Variants in PDE8B observed in about 807,000 individuals in gnomAD.
PDE8B encodes the protein high affinity cAMP-specific and IBMX-insensitive 3',5'-cyclic phosphodiesterase 8B.
A neutral mutation model predicts 101.3 loss-of-function variants in PDE8B; 26 were observed. That is an observed-to-expected ratio of 0.26 (90% CI 0.19 to 0.36). The LOEUF (loss-of-function observed/expected upper bound fraction) is 0.36. Among genes scored for constraint, PDE8B ranks in the 10% least tolerant of loss-of-function variants. The pLI is 1.00. For synonymous variants in PDE8B, 424 were observed against 429.3 expected (o/e 0.99, Z 0.15); for missense variants, 810 against 1,163.1 (o/e 0.70, Z 4.42).
the PDE8B span, among the ~76,000 whole-genome samples, chr5:77,123,832 G>GTT: frequency 6.6e-6 from 1 of 152,330 alleles, no homozygotes; most frequent in East Asian, 1.9e-4. Flanking sequence ...TTCAAGGAAA[G>GTT]AATAGTTCTG....
chr5:77,418,577 CCTTAA>C (rs1796024029), intron 18 of PDE8B, 131 bp downstream of exon 18: 1 of 735,192 alleles, frequency 1.4e-6, no homozygotes, highest in Non-Finnish European at 2.4e-6. Flanking sequence ...ATAACCTTGC[CCTTAA>C]CTTAATTTGA....
chr5:77,211,727 C>G lies in PDE8B; in HGVS notation c.339+463C>G, dbSNP rs946410254. 6.6e-6 allele frequency among the ~76,000 whole-genome samples: 1 copy of G among 152,206 alleles called. No homozygotes were observed. The highest frequency in any genetic ancestry group is 2.4e-5 in the African/African-American group (1 of 41,452). ...TAGTGCCCCATATTCCGATTTTTACCTGGGATTACCAGCCAGGCTGGAGTC... is the reference window on the plus strand; with the variant it reads ...TAGTGCCCCATATTCCGATTTTTACGTGGGATTACCAGCCAGGCTGGAGTC... On this transcript the variant is annotated intron_variant, in intron 1 of 21. Coordinates refer to ENST00000264917, the MANE Select transcript of PDE8B (RefSeq NM_003719.5). The surrounding 1 kb of genome is among the most constrained non-coding windows in gnomAD (Gnocchi z 4.1).
intron 1 of PDE8B, among the ~76,000 whole-genome samples, chr5:77,260,157 C>CAAAAAAAAAAAAAAAAAAA (rs66923234): frequency 5.0e-5 from 5 of 100,972 alleles, no homozygotes; most frequent in Non-Finnish European, 8.1e-5. Flanking sequence ...AACTCCATCA[C>CAAAAAAAAAAAAAAAAAAA]AAAAAAAAAA....
chr5:77,272,565 T>G (rs1476428642), intron 1 of PDE8B, among the ~76,000 whole-genome samples: 1 of 152,216 alleles, frequency 6.6e-6, no homozygotes, highest in Admixed American at 6.5e-5. Context: ...CACCTCCAGC[T>G]GCAGTCTGGT....
chr5:77,161,804 T>C, the PDE8B span, among the ~76,000 whole-genome samples: 3 of 152,134 alleles, frequency 2.0e-5, no homozygotes, highest in Non-Finnish European at 4.4e-5. Flanking sequence ...TGTTTAATAT[T>C]CGCCATTCTA....
chr5:77,392,456 C>CA (rs1278127739), intron 10 of PDE8B, among the ~76,000 whole-genome samples: 1 of 152,110 alleles, frequency 6.6e-6, no homozygotes, highest in Non-Finnish European at 1.5e-5. Context: ...GCTTATATAC[C>CA]ATACAGAAAG....
the PDE8B span, among the ~76,000 whole-genome samples, chr5:77,164,305 A>ATG: frequency 6.6e-6 from 1 of 152,186 alleles, no homozygotes; most frequent in South Asian, 2.1e-4. Context: ...GGGGATAGTA[A>ATG]TGTGTGTGTT....
chr5:77,126,220 G>C, the PDE8B span, among the ~76,000 whole-genome samples: 1 of 152,044 alleles, frequency 6.6e-6, no homozygotes, highest in Non-Finnish European at 1.5e-5. Flanking sequence ...GGGAGGTGGA[G>C]GCTGCAGTGA....
At chr5:77,257,943 G>A (rs1759538332) in intron 1 of PDE8B, among the ~76,000 whole-genome samples, 1 of 152,086 alleles carries the variant, frequency 6.6e-6, no homozygotes, top group African/African-American at 2.4e-5. Flanking sequence ...AATATTCAGG[G>A]CAAAAGAAAA....
the PDE8B span, among the ~76,000 whole-genome samples, chr5:77,117,978 A>G: frequency 6.6e-6 from 1 of 152,006 alleles, no homozygotes; most frequent in Non-Finnish European, 1.5e-5. Context: ...TCTGTCCCTT[A>G]GGCTGGAGTG....
At chr5:77,302,297 C>T (rs1393306702) in intron 1 of PDE8B, among the ~76,000 whole-genome samples, 1 of 152,354 alleles carries the variant, frequency 6.6e-6, no homozygotes, top group African/African-American at 2.4e-5. Context: ...AGCATCCCCC[C>T]TCCACTGGCA....
chr5:77,223,403 C>CT (rs944051815), intron 1 of PDE8B, among the ~76,000 whole-genome samples: 46 of 113,492 alleles, frequency 4.1e-4, no homozygotes, highest in South Asian at 9.1e-4. Context: ...CCCATTCTTT[C>CT]TTTTTTTTTG....
At chr5:77,149,076 G>A in the PDE8B span, among the ~76,000 whole-genome samples, 18 of 152,032 alleles carry the variant, frequency 1.2e-4, no homozygotes, top group Admixed American at 6.5e-4. Context: ...GTTCATATTC[G>A]TACATGTGGA....
At chr5:77,290,613 G>A (rs1005620814) in intron 1 of PDE8B, 51 of 1,509,476 alleles carry the variant, frequency 3.4e-5, no homozygotes, top group Non-Finnish European at 4.3e-5. Context: ...AGTGGAAGGT[G>A]TGGGTGAAGT....
In PDE8B at chr5:77,425,763, A is replaced by C; in HGVS notation, c.2419-4A>C. On this transcript the variant is annotated splice_polypyrimidine_tract_variant and splice_region_variant and intron_variant, in intron 20 of 21. Coordinates refer to ENST00000264917, the MANE Select transcript of PDE8B (RefSeq NM_003719.5). Reference sequence around the variant, plus strand: ...CAGCCCTATGTGGTGGTTTTTTCTTACAGACTGATGAAGAGAAGAGACAGG... The same window carrying C: ...CAGCCCTATGTGGTGGTTTTTTCTTCCAGACTGATGAAGAGAAGAGACAGG... 1.2e-6 allele frequency: 2 copies of C among 1,613,866 alleles called. No individual in the cohort carries two copies. The highest frequency in any genetic ancestry group is 2.2e-5 in the South Asian group (2 of 91,082).
At chr5:77,347,881 G>T (rs572445896) in intron 7 of PDE8B, among the ~76,000 whole-genome samples, 3 of 152,284 alleles carry the variant, frequency 2.0e-5, no homozygotes, top group South Asian at 4.1e-4. Flanking sequence ...TGCAGAGGTG[G>T]CCCCGGGAGG....
At chr5:77,312,821 C>A (rs371349465) in intron 2 of PDE8B, among the ~76,000 whole-genome samples, 1 of 100,608 alleles carries the variant, frequency 9.9e-6, no homozygotes, top group Non-Finnish European at 2.7e-5. Context: ...TGCTCCCCTA[C>A]ATCTTCTATG....
the PDE8B span, among the ~76,000 whole-genome samples, chr5:77,099,612 T>C: frequency 1.1e-5 from 1 of 89,994 alleles, no homozygotes; most frequent in African/African-American, 3.0e-5. Flanking sequence ...TTTCTTTTCT[T>C]TTTTTTTTTT....
the PDE8B span, among the ~76,000 whole-genome samples, chr5:77,095,203 G>T: frequency 1.3e-5 from 2 of 152,094 alleles, no homozygotes; most frequent in Non-Finnish European, 2.9e-5. Flanking sequence ...ACTTTCTCAA[G>T]ACACTCTCAT....
Sources: gnomAD v4.1 joint callset for allele counts (sites outside exome capture counted in the v4.1 genomes callset) on GRCh38, gnomAD v4.1.1 for gene constraint, Gnocchi (gnomAD v3.1) non-coding constraint, MANE v1.5 for transcripts, NCBI Gene and HGNC (gene_info 2026-07-23, HGNC 2026-07-21) for gene names.